The following DCC variants were observed in gnomAD, a reference collection of about 807,000 sequenced individuals.
The protein encoded by DCC is netrin receptor DCC.
DCC carries 58 observed loss-of-function variants against 172.5 expected under a neutral mutation model. That is an observed-to-expected ratio of 0.34 (90% CI 0.27 to 0.42). The LOEUF is 0.42. DCC is among the 10% of genes least tolerant of loss of function. The pLI is 1.00. For synonymous variants in DCC, 709 were observed against 644.5 expected, an observed-to-expected ratio of 1.10 and a Z score of -1.52; for missense variants, 1,740 against 1,791.0, an observed-to-expected ratio of 0.97 and a Z score of 0.51.
At chr18:53,063,232 C>A in intron 5 of DCC, 73 bp from the exon 6 acceptor site, 2 of 1,368,400 alleles carry the variant, frequency 1.5e-6, no homozygotes, top group South Asian at 1.2e-5. Flanking sequence ...GTTTTAAACT[C>A]AGTGAAGACC....
At chr18:52,867,779 A>G (rs1176405271) in intron 2 of DCC, among the ~76,000 whole-genome samples, 1 of 152,102 alleles carries the variant, frequency 6.6e-6, no homozygotes, top group African/African-American at 2.4e-5. Context: ...ATAGCGTTCT[A>G]AAAGAAATTC....
intron 13 of DCC, among the ~76,000 whole-genome samples, chr18:53,316,873 A>C (rs986912259): frequency 6.6e-6 from 1 of 152,232 alleles, no homozygotes; most frequent in Non-Finnish European, 1.5e-5. Context: ...TTCTAAATAT[A>C]CAATTAGGTC....
chr18:53,501,285 A>G (rs1432211510), intron 27 of DCC, among the ~76,000 whole-genome samples: 1 of 152,180 alleles, frequency 6.6e-6, no homozygotes, highest in African/African-American at 2.4e-5. Flanking sequence ...CATTTTAGGC[A>G]CAAGGAAACT....
chr18:52,772,111 G>T (rs985575019), intron 2 of DCC, among the ~76,000 whole-genome samples: 16 of 151,920 alleles, frequency 1.1e-4, no homozygotes, highest in African/African-American at 3.9e-4. Flanking sequence ...AATCATTTTT[G>T]ATTCTTGGAA....
intron 12 of DCC, among the ~76,000 whole-genome samples, chr18:53,263,788 T>C (rs1419483097): frequency 1.3e-5 from 2 of 151,938 alleles, no homozygotes; most frequent in African/African-American, 4.8e-5. Context: ...ATATTACTTT[T>C]ATATTTTTAA....
At chr18:52,879,601 G>T (rs114117093) in intron 2 of DCC, among the ~76,000 whole-genome samples, 2,292 of 151,496 alleles carry the variant, frequency 0.015, 44 homozygotes, top group African/African-American at 0.039. Context: ...CCAGGTAATT[G>T]TTTTACTTTT....
intron 12 of DCC, among the ~76,000 whole-genome samples, chr18:53,305,285 A>C (rs191850636): frequency 5.3e-5 from 8 of 152,302 alleles, no homozygotes; most frequent in Admixed American, 5.2e-4. Flanking sequence ...CTTATTCTCT[A>C]TTGTTTTGTG....
chr18:52,409,324 T>A (rs564376161), intron 1 of DCC: 1 of 152,266 alleles, frequency 6.6e-6, no homozygotes, highest in African/African-American at 2.4e-5. Context: ...CTGCAGACAA[T>A]GCTCATCAGC....
intron 2 of DCC, among the ~76,000 whole-genome samples, chr18:52,858,150 G>A (rs1054872339): frequency 2.6e-5 from 4 of 152,212 alleles, no homozygotes; most frequent in Non-Finnish European, 4.4e-5. Flanking sequence ...ACTGCATACA[G>A]CAATCACTTT....
At chr18:52,585,982 C>T (rs2033663208) in intron 1 of DCC, among the ~76,000 whole-genome samples, 1 of 145,922 alleles carries the variant, frequency 6.9e-6, no homozygotes, top group African/African-American at 2.5e-5. Context: ...ACTCGGGAGG[C>T]TGAGGCAGGA....
intron 2 of DCC, among the ~76,000 whole-genome samples, chr18:52,827,888 A>G (rs1048690674): frequency 1.3e-5 from 2 of 152,046 alleles, no homozygotes; most frequent in Non-Finnish European, 2.9e-5. Flanking sequence ...TGTGAGCTGC[A>G]TTATCTCAAA....
At chr18:52,459,446 C>T (rs1988558633) in intron 1 of DCC, among the ~76,000 whole-genome samples, 1 of 144,816 alleles carries the variant, frequency 6.9e-6, no homozygotes, top group Admixed American at 6.7e-5. Context: ...TAAGAAAATG[C>T]AGTATTTGGT....
chr18:53,512,287 C>T (rs1005715440), intron 27 of DCC, among the ~76,000 whole-genome samples: 1 of 148,900 alleles, frequency 6.7e-6, no homozygotes, highest in Non-Finnish European at 1.5e-5. Context: ...ACAGAAAGGA[C>T]ATCCACACCA....
chr18:53,401,052 G>A (rs902020736), intron 18 of DCC, among the ~76,000 whole-genome samples: 2 of 151,974 alleles, frequency 1.3e-5, no homozygotes, highest in South Asian at 2.1e-4. Context: ...ATTCATAGCC[G>A]GGAAAATATC....
chr18:52,955,030 T>C lies in DCC; in HGVS notation c.985+29660T>C, dbSNP rs141867942. ...CCACGCCTCAATGATGCATTCGTGATAATCAATAAACCTATATTGAGACAT... is the reference window on the plus strand; with the variant it reads ...CCACGCCTCAATGATGCATTCGTGACAATCAATAAACCTATATTGAGACAT... On this transcript the variant is annotated intron_variant, in intron 5 of 28. Coordinates refer to ENST00000442544, the MANE Select transcript of DCC (RefSeq NM_005215.4). Among the ~76,000 whole-genome samples, 674 of 152,278 alleles carry C rather than the reference T, an allele frequency of 4.4e-3. 3 individuals are homozygous for C. Among genetic ancestry groups the C allele is most frequent in the African/African-American group, 0.014 (569 of 41,574 alleles).
At position 53,425,355 on chromosome 18, in the gene DCC, C is replaced by CTTTTTTTTTTTT. The variant is rs1338640000; in HGVS notation, c.3163+9200_3163+9201insTTTTTTTTTTTT. Among the ~76,000 whole-genome samples the CTTTTTTTTTTTT allele has an allele frequency of 5.7e-4, 49 of 86,538 alleles. 1 individual carries two copies. Among genetic ancestry groups the CTTTTTTTTTTTT allele is most frequent in the Admixed American group, 2.4e-3 (22 of 9,044 alleles). The allele number at this position is 86,538 out of a possible 152,430, so 56.8% of individuals were successfully genotyped here. ...GTCCACAATTTTCCCCGTTTCTCCTCTCTTTTTTTTTTTTTTTTTTTTGAG... is the reference window on the plus strand; with the variant it reads ...GTCCACAATTTTCCCCGTTTCTCCTCTTTTTTTTTTTTTCTTTTTTTTTTTTTTTTTTTTGAG... On this transcript the variant is annotated intron_variant, in intron 21 of 28. Coordinates refer to ENST00000442544, the MANE Select transcript of DCC (RefSeq NM_005215.4).
chr18:52,700,126 C>T (rs973513559), intron 1 of DCC, among the ~76,000 whole-genome samples: 14 of 149,598 alleles, frequency 9.4e-5, no homozygotes, highest in African/African-American at 2.7e-4. Context: ...CTCTCGTTTG[C>T]GCTCTCTCGC....
chr18:52,490,958 G>C (rs892544754), intron 1 of DCC, among the ~76,000 whole-genome samples: 2 of 152,008 alleles, frequency 1.3e-5, no homozygotes, highest in African/African-American at 2.4e-5. Context: ...TTTCTTCTTT[G>C]ACACAGGTTT....
At position 53,526,714 on chromosome 18, in the gene DCC, T is replaced by C. The variant is rs770401909; in HGVS notation, c.4209T>C (p.Pro1403=). ...PLLPVSVPTA[P]EVSEESHKPT... is the part of the protein sequence containing the mutation. The stretch of plus-strand genomic sequence containing the variant: ...TTCCTGTGTCTGTGCCAACAGCCCC[T>C]GAAGTGTCTGAGGAGAGCCACAAAC... Residue 1403 remains proline (P), a synonymous_variant, in exon 28 of 29, where the codon CCT becomes CCC. Transcript: ENST00000442544. The C allele has an allele frequency of 1.2e-6, 2 of 1,613,542 alleles. No homozygotes were observed. The highest frequency in any genetic ancestry group is 1.7e-6 in the Non-Finnish European group (2 of 1,179,670).
Sources: allele counts gnomAD v4.1 joint callset (sites outside exome capture counted in the v4.1 genomes callset), GRCh38; gene constraint gnomAD v4.1.1; transcripts MANE v1.5; gene names NCBI Gene and HGNC (gene_info 2026-07-23, HGNC 2026-07-21).